SYNPO2: variants seen among roughly 807,000 people sequenced by gnomAD.
The protein encoded by SYNPO2 is synaptopodin-2.
A neutral mutation model predicts 85.0 loss-of-function variants in SYNPO2; 56 were observed. The ratio of observed to expected loss-of-function variants is 0.66; its 90% confidence interval spans 0.53 to 0.82. SYNPO2 has a LOEUF of 0.82. Among genes scored for constraint, SYNPO2 ranks in the 40% least tolerant of loss-of-function variants. The pLI is 0.00. For missense variants in SYNPO2, 1,575 were observed against 1,534.2 expected, an observed-to-expected ratio of 1.03 and a Z score of -0.44; for synonymous variants, 602 against 591.1, an observed-to-expected ratio of 1.02 and a Z score of -0.27.
At chr4:118,982,792 T>C (rs1736081207) in intron 1 of SYNPO2, among the ~76,000 whole-genome samples, 1 of 152,214 alleles carries the variant, frequency 6.6e-6, no homozygotes, top group Admixed American at 6.5e-5. Flanking sequence ...CATTCTTTCC[T>C]TTGCTTCTTT....
chr4:118,880,901 G>C (rs990318361), intron 1 of SYNPO2, among the ~76,000 whole-genome samples: 3 of 151,936 alleles, frequency 2.0e-5, no homozygotes, highest in Non-Finnish European at 2.9e-5. Flanking sequence ...ATATTTATTA[G>C]TAAAACAGAA....
At chr4:118,879,026 G>A (rs942434921) in intron 1 of SYNPO2, among the ~76,000 whole-genome samples, 2 of 152,112 alleles carry the variant, frequency 1.3e-5, no homozygotes, top group Non-Finnish European at 1.5e-5. Flanking sequence ...CCCACAGGGA[G>A]GAATGAACAA....
intron 1 of SYNPO2, among the ~76,000 whole-genome samples, chr4:118,946,006 A>G (rs1734488313): frequency 6.6e-6 from 1 of 152,130 alleles, no homozygotes; most frequent in Admixed American, 6.5e-5. Context: ...GGCCTCCCGA[A>G]GTGCTGGGAT....
intron 1 of SYNPO2, among the ~76,000 whole-genome samples, chr4:119,004,215 C>A (rs1419123650): frequency 6.6e-6 from 1 of 151,514 alleles, no homozygotes; most frequent in Non-Finnish European, 1.5e-5. Context: ...GGAAATTGTT[C>A]AAAATTACCT....
rs1195321226 is a variant in SYNPO2 at position 119,007,226 on chromosome 4, A to G, written c.106-16204A>G. On this transcript the variant is annotated intron_variant, in intron 1 of 4. Coordinates refer to ENST00000307142, the MANE Select transcript of SYNPO2 (RefSeq NM_133477.3). ...CAAAAAAGAACAAAGGTATATATAT[A>G]TATATATATATATATATATGTATAT... Among the ~76,000 whole-genome samples the G allele has an allele frequency of 1.4e-4, 6 of 42,526 alleles. No individual in the cohort carries two copies. In the Admixed American group the frequency reaches 1.5e-3, roughly 11 times the overall value. The allele number at this position is 42,526 out of a possible 152,430, so 27.9% of individuals were successfully genotyped here. A position where few individuals can be genotyped will look rare whatever the true frequency, so the allele number is the denominator to read the frequency against.
intron 1 of SYNPO2, among the ~76,000 whole-genome samples, chr4:118,976,640 T>C (rs1472901251): frequency 6.6e-6 from 1 of 152,082 alleles, no homozygotes; most frequent in Admixed American, 6.5e-5. Flanking sequence ...TCAGATTAGT[T>C]AGATACAGAG....
chr4:119,051,218 C>A (rs1407895743), intron 4 of SYNPO2, among the ~76,000 whole-genome samples: 1 of 91,588 alleles, frequency 1.1e-5, no homozygotes, highest in Non-Finnish European at 2.0e-5. Context: ...GAGACGGAGT[C>A]TCGCTCTGTC....
Position 118,987,670 on chromosome 4 carries a change from A to G in SYNPO2, c.106-35760A>G, listed in dbSNP as rs533661893. ...AAAAAAAAAAAAAAGCCTAATGTGA[A>G]CTCGAATTACTGCTTCTAGATTATT... On this transcript the variant is annotated intron_variant, in intron 1 of 4. Transcript: ENST00000307142. Among the ~76,000 whole-genome samples the G allele has an allele frequency of 1.3e-4, 19 of 151,674 alleles. No homozygotes were observed. The East Asian group carries it at 2.1e-3, about 17-fold the overall frequency.
chr4:118,879,555 G>C (rs1318517563), intron 1 of SYNPO2, among the ~76,000 whole-genome samples: 2 of 152,214 alleles, frequency 1.3e-5, no homozygotes, highest in African/African-American at 2.4e-5. Flanking sequence ...AGGGCACTCA[G>C]CAGACAGTGG....
intron 1 of SYNPO2, among the ~76,000 whole-genome samples, chr4:118,975,288 G>T (rs1175632552): frequency 6.6e-6 from 1 of 152,218 alleles, no homozygotes; most frequent in African/African-American, 2.4e-5. Flanking sequence ...TAGTACTACT[G>T]CTAGAAGGAA....
At chr4:118,921,802 CAT>C (rs1491394724) in intron 1 of SYNPO2, among the ~76,000 whole-genome samples, 1 of 151,702 alleles carries the variant, frequency 6.6e-6, no homozygotes, top group East Asian at 1.9e-4. Flanking sequence ...CACACACACA[CAT>C]ACTCTTTTTT....
Position 118,892,718 on chromosome 4 carries a change from T to A in SYNPO2, c.105+3577T>A, listed in dbSNP as rs1732416877. ...TTATCCTTTATATGTTTTAATATAG[T>A]TAGAAATTTATTTTTTCTTCAAATC... is the stretch of plus-strand genomic sequence containing the variant. On this transcript the variant is annotated intron_variant, in intron 1 of 4. Coordinates refer to ENST00000307142, the MANE Select transcript of SYNPO2 (RefSeq NM_133477.3). 5.3e-5 allele frequency among the ~76,000 whole-genome samples: 8 copies of A among 152,262 alleles called. No homozygotes were observed. The South Asian group carries it at 1.7e-3, about 32-fold the overall frequency.
At chr4:118,866,776 G>C (rs1731705444) in intron 1 of SYNPO2, among the ~76,000 whole-genome samples, 1 of 152,122 alleles carries the variant, frequency 6.6e-6, no homozygotes, top group Non-Finnish European at 1.5e-5. Flanking sequence ...ATGTGAAGAT[G>C]TGCTTGCTCC....
chr4:118,878,532 T>C (rs772762456), intron 1 of SYNPO2, among the ~76,000 whole-genome samples: 2 of 152,114 alleles, frequency 1.3e-5, no homozygotes, highest in African/African-American at 4.8e-5. Context: ...ACCTAAAGGA[T>C]TGTAAACGCA....
In SYNPO2 at chr4:119,030,139, A is replaced by G. The variant is rs779597750; in HGVS notation, c.1364A>G (p.Asp455Gly). ...GAAGAGTTATTGTCTGACGTTGACG[A>G]CAACACACAAGTTGTGAACTTTGAC... The part of the protein sequence containing the change: ...VDEELLSDVD[D>G]NTQVVNFDWD... The change falls in exon 4 of 5, where the codon GAC becomes GGC. Residue 455 changes from aspartate (D) to glycine (G), a missense_variant. Asp to Gly is a moderately conservative substitution (Grantham distance 94). Coordinates refer to ENST00000307142, the MANE Select transcript of SYNPO2 (RefSeq NM_133477.3). The G allele has an allele frequency of 3.1e-6, 5 of 1,614,160 alleles. No individual in the cohort carries two copies. In the South Asian group the frequency reaches 4.4e-5, roughly 14 times the overall value.
chr4:118,991,515 T>G (rs1736414444), intron 1 of SYNPO2, among the ~76,000 whole-genome samples: 1 of 152,222 alleles, frequency 6.6e-6, no homozygotes, highest in Non-Finnish European at 1.5e-5. Flanking sequence ...ACCAGTGGAA[T>G]GCTCTTCAAG....
chr4:118,893,142 A>C (rs1440184713), intron 1 of SYNPO2, among the ~76,000 whole-genome samples: 1 of 152,158 alleles, frequency 6.6e-6, no homozygotes, highest in African/African-American at 2.4e-5. Context: ...TTAATCTTTA[A>C]ATTGATTTTA....
At chr4:119,032,494 A>G in intron 4 of SYNPO2, 1 of 1,022,892 alleles carries the variant, frequency 9.8e-7, no homozygotes, top group Admixed American at 5.1e-5. Flanking sequence ...CCTTATCTCT[A>G]TTACTAGTGT....
chr4:119,057,232 G>A (rs932926188), intron 4 of SYNPO2, among the ~76,000 whole-genome samples, 169 bp from the exon 5 acceptor site: 2 of 152,204 alleles, frequency 1.3e-5, no homozygotes, highest in African/African-American at 4.8e-5. Context: ...CAAAGGTGGG[G>A]ACAGGCAGCA....
Sources: allele counts gnomAD v4.1 joint callset (sites outside exome capture counted in the v4.1 genomes callset), GRCh38; gene constraint gnomAD v4.1.1; transcripts MANE v1.5; gene names NCBI Gene and HGNC (gene_info 2026-07-23, HGNC 2026-07-21).